Variants in PDE4D observed in about 807,000 individuals in gnomAD.
PDE4D encodes the protein phosphodiesterase 4D, also known as 3',5'-cyclic-AMP phosphodiesterase 4D.
Under a neutral mutation model 87.4 loss-of-function variants are expected in PDE4D, and 24 were observed. That is an observed-to-expected ratio of 0.27 (90% CI 0.20 to 0.39). The LOEUF is 0.39. PDE4D is among the 10% of genes least tolerant of loss of function. PDE4D has a pLI of 1.00. For synonymous variants in PDE4D, 384 were observed against 383.2 expected, an observed-to-expected ratio of 1.00 and a Z score of -0.02; for missense variants, 714 against 1,041.0, an observed-to-expected ratio of 0.69 and a Z score of 4.32.
chr5:59,061,073 A>G (rs10068543), intron 5 of PDE4D, among the ~76,000 whole-genome samples: 21,267 of 152,094 alleles, frequency 0.14, 2,846 homozygotes, highest in African/African-American at 0.34. Context: ...CAGTTGAATG[A>G]TACAAATGTT....
chr5:59,364,070 A>G (rs900306256), intron 1 of PDE4D, among the ~76,000 whole-genome samples: 7 of 152,238 alleles, frequency 4.6e-5, no homozygotes, highest in African/African-American at 1.4e-4. Flanking sequence ...GAGTAACAGC[A>G]AAAGAAAACA....
intron 1 of PDE4D, among the ~76,000 whole-genome samples, chr5:59,595,370 A>C (rs1338606054): frequency 1.3e-5 from 2 of 152,208 alleles, no homozygotes; most frequent in African/African-American, 4.8e-5. Flanking sequence ...AAATACAAAA[A>C]TAAAATAAAA....
At chr5:59,122,320 T>C (rs143621191) in intron 5 of PDE4D, among the ~76,000 whole-genome samples, 1 of 151,920 alleles carries the variant, frequency 6.6e-6, no homozygotes, top group Admixed American at 6.6e-5. Context: ...AAGATAAATA[T>C]CACATGTTCT....
chr5:59,254,317 C>T (rs10070436), intron 1 of PDE4D, among the ~76,000 whole-genome samples: 10,462 of 152,038 alleles, frequency 0.069, 458 homozygotes, highest in Non-Finnish European at 0.099. Flanking sequence ...CCTAGTTTTC[C>T]CTCCTATTTT....
intron 1 of PDE4D, among the ~76,000 whole-genome samples, chr5:59,475,645 T>A (rs1803184446): frequency 6.6e-6 from 1 of 152,030 alleles, no homozygotes; most frequent in African/African-American, 2.4e-5. Context: ...ATCCCTAAGG[T>A]CCATTCTTGT....
chr5:60,402,381 A>C (rs1464403889), intron 1 of PDE4D, among the ~76,000 whole-genome samples: 1 of 152,180 alleles, frequency 6.6e-6, no homozygotes, highest in African/African-American at 2.4e-5. Context: ...TGTCTACTAC[A>C]TGGAACAGCT....
intron 1 of PDE4D, among the ~76,000 whole-genome samples, chr5:59,794,694 C>T (rs753595166): frequency 1.3e-5 from 2 of 152,068 alleles, no homozygotes; most frequent in African/African-American, 2.4e-5. Flanking sequence ...ATAAAACAAA[C>T]AAAACATAGT....
chr5:60,247,102 C>T (rs1346394085), intron 1 of PDE4D, among the ~76,000 whole-genome samples: 2 of 151,854 alleles, frequency 1.3e-5, no homozygotes, highest in Admixed American at 1.3e-4. Flanking sequence ...GATTTTTTTT[C>T]AGTCCTTTCC....
At chr5:60,397,338 TC>T in intron 1 of PDE4D, among the ~76,000 whole-genome samples, 1 of 152,318 alleles carries the variant, frequency 6.6e-6, no homozygotes, top group African/African-American at 2.4e-5. Flanking sequence ...ATAGCTACAC[TC>T]CCATGTTCAT....
At chr5:59,459,968 A>T (rs1297032103) in intron 1 of PDE4D, among the ~76,000 whole-genome samples, 1 of 152,210 alleles carries the variant, frequency 6.6e-6, no homozygotes, top group Admixed American at 6.5e-5. Context: ...CTTTATAATG[A>T]GTCAAACTAG....
At chr5:59,414,798 C>T (rs968628187) in intron 1 of PDE4D, among the ~76,000 whole-genome samples, 1 of 152,118 alleles carries the variant, frequency 6.6e-6, no homozygotes, top group African/African-American at 2.4e-5. Flanking sequence ...TATATGTGGA[C>T]TAGGACTCTG....
At position 59,071,094 on chromosome 5, in the gene PDE4D, A is replaced by G. The variant is rs1281219486; in HGVS notation, c.809-32123T>C. Among the ~76,000 whole-genome samples, 5 of 152,200 alleles carry G rather than the reference A, an allele frequency of 3.3e-5. No individual in the cohort carries two copies. In the East Asian group the frequency reaches 9.6e-4, roughly 29 times the overall value. The stretch of plus-strand genomic sequence containing the variant: ...GATCAATAGTTTGGTTGAGTATAGA[A>G]TTCTTGGTTGAGAATCACTTTCCTT... On this transcript the variant is annotated intron_variant, in intron 5 of 14. Coordinates refer to ENST00000340635, the MANE Select transcript of PDE4D (RefSeq NM_001104631.2).
At position 60,442,093 on chromosome 5, in the gene PDE4D, T is replaced by C. The variant is rs1745269306; in HGVS notation, c.-90+45849A>G. On this transcript the variant is annotated intron_variant, in intron 1 of 16. Transcript: ENST00000502484. ...GACCCAGCATTCCTATTACTGGGTATATACCCAAAGGACTATAAATCATGC... is the reference window on the plus strand; with the variant it reads ...GACCCAGCATTCCTATTACTGGGTACATACCCAAAGGACTATAAATCATGC... Among the ~76,000 whole-genome samples the C allele has an allele frequency of 2.0e-5, 3 of 152,156 alleles. No homozygotes were observed. The South Asian group carries it at 6.2e-4, about 32-fold the overall frequency.
chr5:59,454,657 G>A (rs1799651044), intron 1 of PDE4D, among the ~76,000 whole-genome samples: 1 of 152,196 alleles, frequency 6.6e-6, no homozygotes, highest in Non-Finnish European at 1.5e-5. Flanking sequence ...AAGTGACTTT[G>A]GAACTGGATA....
intron 1 of PDE4D, among the ~76,000 whole-genome samples, chr5:59,393,816 T>C (rs996964977): frequency 6.7e-6 from 1 of 149,792 alleles, no homozygotes; most frequent in African/African-American, 2.5e-5. Flanking sequence ...TAACAGGTGG[T>C]TTCTCTTCCT....
chr5:59,216,093 T>G, intron 1 of PDE4D, 125 bp from the exon 2 acceptor site: 1 of 651,386 alleles, frequency 1.5e-6, no homozygotes, highest in South Asian at 2.0e-5. Flanking sequence ...ACAGCTAATT[T>G]CTGCCATAAA....
chr5:60,196,397 A>G (rs1473317195), intron 1 of PDE4D, among the ~76,000 whole-genome samples: 1 of 151,758 alleles, frequency 6.6e-6, no homozygotes, highest in African/African-American at 2.4e-5. Flanking sequence ...TTGCTTGATA[A>G]TACTTTGCTT....
At chr5:59,490,807 C>T (rs1045866724) in intron 1 of PDE4D, among the ~76,000 whole-genome samples, 4 of 152,164 alleles carry the variant, frequency 2.6e-5, no homozygotes, top group Non-Finnish European at 4.4e-5. Context: ...TGGCAACTGA[C>T]GTGGTACCAC....
chr5:59,607,140 C>T (rs1228883608), intron 1 of PDE4D, among the ~76,000 whole-genome samples: 1 of 152,116 alleles, frequency 6.6e-6, no homozygotes, highest in Non-Finnish European at 1.5e-5. Context: ...TGATTCCTAA[C>T]CCTATTGATG....
Sources: allele counts gnomAD v4.1 joint callset (sites outside exome capture counted in the v4.1 genomes callset), GRCh38; gene constraint gnomAD v4.1.1; transcripts MANE v1.5; gene names NCBI Gene and HGNC (gene_info 2026-07-23, HGNC 2026-07-21).